Variants in VSTM5 observed in about 807,000 individuals in gnomAD.
VSTM5 encodes the protein V-set and transmembrane domain-containing protein 5.
In VSTM5, 21 loss-of-function variants were observed where a neutral mutation model predicts 20.3. That is an observed-to-expected ratio of 1.03 (90% CI 0.73 to 1.49). The LOEUF is 1.49. Ranked by LOEUF, VSTM5 falls within the 40% of genes most tolerant of loss-of-function variation. The pLI is 0.00. For missense variants in VSTM5, 219 were observed against 250.0 expected (o/e 0.88, Z 0.84); for synonymous variants, 100 against 102.5 (o/e 0.98, Z 0.14).
chr11:93,824,931 C>T lies in VSTM5; in HGVS notation c.92-3608G>A, dbSNP rs146542916. 6.2e-3 allele frequency among the ~76,000 whole-genome samples: 943 copies of T among 152,298 alleles called. 12 individuals carry two copies. Among genetic ancestry groups the T allele is most frequent in the African/African-American group, 0.021 (881 of 41,560 alleles). Reference sequence around the variant, plus strand: ...CCCTTTATGAAGAGACTCCTTTCTTCATTGTGTATTCTTGGCACTTTAGTC... The same window carrying T: ...CCCTTTATGAAGAGACTCCTTTCTTTATTGTGTATTCTTGGCACTTTAGTC... On this transcript the variant is annotated intron_variant, in intron 1 of 3. Transcript: ENST00000409977.
chr11:93,844,843 T>C (rs940262674), intron 1 of VSTM5, among the ~76,000 whole-genome samples: 2 of 66,770 alleles, frequency 3.0e-5, no homozygotes, highest in African/African-American at 1.0e-4. Context: ...GCCCCGCTGC[T>C]ACCCCAGCTC....
chr11:93,838,715 T>C (rs927177746), intron 1 of VSTM5, among the ~76,000 whole-genome samples: 2 of 151,532 alleles, frequency 1.3e-5, no homozygotes, highest in African/African-American at 4.9e-5. Flanking sequence ...GGAGGATAAC[T>C]TGAGCCTGGG....
chr11:93,828,318 C>CCCTCTGGT (rs1944254589), intron 1 of VSTM5, among the ~76,000 whole-genome samples: 1 of 152,126 alleles, frequency 6.6e-6, no homozygotes, highest in South Asian at 2.1e-4. Flanking sequence ...GATGGTGAGA[C>CCCTCTGGT]CCTCTGGTAA....
At chr11:93,834,777 C>T (rs190060592) in intron 1 of VSTM5, among the ~76,000 whole-genome samples, 6,231 of 117,026 alleles carry the variant, frequency 0.053, 444 homozygotes, top group African/African-American at 0.21. Context: ...AGTGAGACTC[C>T]GTCTCAAAAA....
At chr11:93,843,456 ACCTG>A in intron 1 of VSTM5, among the ~76,000 whole-genome samples, 1 of 150,096 alleles carries the variant, frequency 6.7e-6, no homozygotes, top group African/African-American at 2.5e-5. Flanking sequence ...TCTCATATGT[ACCTG>A]AATGAATGAA....
At chr11:93,833,729 C>T (rs946081769) in intron 1 of VSTM5, among the ~76,000 whole-genome samples, 30 of 152,196 alleles carry the variant, frequency 2.0e-4, no homozygotes, top group Non-Finnish European at 5.9e-5. Context: ...AACGTGAGCT[C>T]TCTGTCCCCA....
intron 1 of VSTM5, among the ~76,000 whole-genome samples, chr11:93,840,663 T>C (rs1241225478): frequency 6.6e-6 from 1 of 152,124 alleles, no homozygotes; most frequent in Non-Finnish European, 1.5e-5. Flanking sequence ...TTCCATTTGC[T>C]CCCTCCACCC....
rs1458006486 is a variant in VSTM5, at chr11:93,820,466, G to C, written c.*103C>G. 2.4e-6 allele frequency: 3 copies of C among 1,243,026 alleles called. No homozygotes were observed. Among genetic ancestry groups the C allele is most frequent in the Non-Finnish European group, 3.4e-6 (3 of 877,974 alleles). The allele number at this position is 1,243,026 out of a possible 1,614,324, so 77.0% of individuals were successfully genotyped here. A position where few individuals can be genotyped will look rare whatever the true frequency, so the allele number is the denominator to read the frequency against. The stretch of plus-strand genomic sequence containing the variant: ...TCTCCCACTGTCCTGTTAGGAGCGG[G>C]CTGCAACAGGACCACACACAATGGG... On this transcript the variant is annotated 3_prime_UTR_variant, in exon 4 of 4. Coordinates refer to ENST00000409977, the MANE Select transcript of VSTM5 (RefSeq NM_001144871.2).
Position 93,820,337 on chromosome 11 carries a change from C to T in VSTM5, c.*232G>A. On this transcript the variant is annotated 3_prime_UTR_variant, in exon 4 of 4. Coordinates refer to ENST00000409977, the MANE Select transcript of VSTM5 (RefSeq NM_001144871.2). ...CTGATGCTGCAGCCAAGCGAAGCTC[C>T]TGGTTCAAAGCCTCAATCACTCTTC... The T allele has an allele frequency of 5.5e-6, 3 of 546,770 alleles. No individual in the cohort carries two copies. Among genetic ancestry groups the T allele is most frequent in the Non-Finnish European group, 9.8e-6 (3 of 305,564 alleles). 33.9% of individuals were successfully genotyped at this position (546,770 alleles called of 1,614,324 possible).
At chr11:93,841,176 C>T (rs927817577) in intron 1 of VSTM5, among the ~76,000 whole-genome samples, 1 of 152,180 alleles carries the variant, frequency 6.6e-6, no homozygotes, top group African/African-American at 2.4e-5. Flanking sequence ...CTGCATAGGC[C>T]ACCAATTCAC....
chr11:93,823,969 G>A (rs1379702720), intron 1 of VSTM5, among the ~76,000 whole-genome samples: 3 of 151,546 alleles, frequency 2.0e-5, no homozygotes, highest in African/African-American at 4.8e-5. Flanking sequence ...GTGCAGTGGC[G>A]CAATCTCGGC....
intron 1 of VSTM5, among the ~76,000 whole-genome samples, chr11:93,841,590 T>C (rs868360317): frequency 6.6e-6 from 1 of 152,130 alleles, no homozygotes; most frequent in Non-Finnish European, 1.5e-5. Context: ...TCTCATTCAG[T>C]AGGGTGACAC....
chr11:93,838,306 CTA>C (rs1944340200), intron 1 of VSTM5, among the ~76,000 whole-genome samples: 1 of 152,094 alleles, frequency 6.6e-6, no homozygotes, highest in East Asian at 1.9e-4. Flanking sequence ...AACTCCGTCT[CTA>C]TTAAAAATAC....
intron 1 of VSTM5, among the ~76,000 whole-genome samples, chr11:93,825,739 T>TC (rs138342390): frequency 0.015 from 2,224 of 151,698 alleles, 53 homozygotes; most frequent in African/African-American, 0.051. Flanking sequence ...GTTTTTTTTT[T>TC]CTTCCTTTTC....
chr11:93,846,766 A>ATT (rs143745842), intron 1 of VSTM5, among the ~76,000 whole-genome samples: 2 of 94,648 alleles, frequency 2.1e-5, no homozygotes, highest in African/African-American at 4.6e-5. Context: ...ATTTTTTTTA[A>ATT]TTTTTTTTTT....
At chr11:93,838,127 C>T (rs895669466) in intron 1 of VSTM5, among the ~76,000 whole-genome samples, 3 of 152,210 alleles carry the variant, frequency 2.0e-5, no homozygotes, top group African/African-American at 7.2e-5. Context: ...GGCGACTCTG[C>T]ACAAACCCCT....
chr11:93,833,553 G>A (rs1944299270), intron 1 of VSTM5, among the ~76,000 whole-genome samples: 2 of 152,324 alleles, frequency 1.3e-5, no homozygotes, highest in African/African-American at 4.8e-5. Flanking sequence ...GTGACACAGT[G>A]AGACCCTGTC....
At chr11:93,834,038 A>C (rs1190034913) in intron 1 of VSTM5, among the ~76,000 whole-genome samples, 1 of 152,088 alleles carries the variant, frequency 6.6e-6, no homozygotes, top group Non-Finnish European at 1.5e-5. Flanking sequence ...GACTCCTGTC[A>C]ATCTTTTCAA....
intron 1 of VSTM5, among the ~76,000 whole-genome samples, chr11:93,829,336 G>T (rs11824140): frequency 0.011 from 1,678 of 152,270 alleles, 34 homozygotes; most frequent in African/African-American, 0.039. Context: ...AGAACAGCCT[G>T]GCCAACATGG....
Sources: allele counts gnomAD v4.1 joint callset (sites outside exome capture counted in the v4.1 genomes callset), GRCh38; gene constraint gnomAD v4.1.1; transcripts MANE v1.5; gene names NCBI Gene and HGNC (gene_info 2026-07-23, HGNC 2026-07-21).